Variants in RPH3A observed in about 807,000 individuals in gnomAD.
RPH3A encodes rabphilin-3A.
Under a neutral mutation model 102.2 loss-of-function variants are expected in RPH3A, and 48 were observed. The observed-to-expected ratio is 0.47, with a 90% CI of 0.37 to 0.60. The LOEUF (loss-of-function observed/expected upper bound fraction) is 0.60, where lower values mean the gene tolerates loss of function less well. Ranked by LOEUF, RPH3A falls within the 20% of genes least tolerant of loss-of-function variation. The pLI, the probability that RPH3A is intolerant of heterozygous loss-of-function variation, is 0.00. For synonymous variants in RPH3A, 310 were observed against 324.3 expected (o/e 0.96, Z 0.47); for missense variants, 781 against 910.1 (o/e 0.86, Z 1.83).
chr12:112,814,914 G>A (rs1360883838), intron 2 of RPH3A, among the ~76,000 whole-genome samples: 1 of 152,218 alleles, frequency 6.6e-6, no homozygotes, highest in Non-Finnish European at 1.5e-5. Flanking sequence ...CCACACTGCT[G>A]GGACTCCAAG....
chr12:112,660,624 A>G (rs1274231593), intron 1 of RPH3A, among the ~76,000 whole-genome samples: 1 of 152,190 alleles, frequency 6.6e-6, no homozygotes, highest in Non-Finnish European at 1.5e-5. Flanking sequence ...GTTTGAGGCT[A>G]TACTGAGCTA....
chr12:112,605,997 A>G (rs2039593769), intron 1 of RPH3A, among the ~76,000 whole-genome samples: 1 of 152,200 alleles, frequency 6.6e-6, no homozygotes, highest in Non-Finnish European at 1.5e-5. Flanking sequence ...TCTCACAAAA[A>G]TTCTGTTAAA....
At chr12:112,755,804 A>G (rs2040819478) in intron 1 of RPH3A, among the ~76,000 whole-genome samples, 1 of 152,216 alleles carries the variant, frequency 6.6e-6, no homozygotes, top group Non-Finnish European at 1.5e-5. Context: ...ATCTATGAGC[A>G]TGAGAATAAA....
At chr12:112,681,844 A>G (rs2040228222) in intron 1 of RPH3A, among the ~76,000 whole-genome samples, 2 of 152,192 alleles carry the variant, frequency 1.3e-5, no homozygotes, top group Non-Finnish European at 2.9e-5. Context: ...CTTCTCTCTC[A>G]ATTAGAACTT....
chr12:112,762,771 C>T (rs2040862579), intron 1 of RPH3A, among the ~76,000 whole-genome samples: 1 of 152,192 alleles, frequency 6.6e-6, no homozygotes, highest in African/African-American at 2.4e-5. Flanking sequence ...GATATACCTC[C>T]ATCCATTGTA....
At chr12:112,741,646 A>G (rs2040710290) in intron 1 of RPH3A, among the ~76,000 whole-genome samples, 1 of 152,180 alleles carries the variant, frequency 6.6e-6, no homozygotes. Context: ...TGTGTGAGAT[A>G]AAGTAGCAAA....
intron 1 of RPH3A, among the ~76,000 whole-genome samples, chr12:112,617,084 G>A (rs972963415): frequency 1.3e-5 from 2 of 152,330 alleles, no homozygotes; most frequent in South Asian, 4.1e-4. Flanking sequence ...GGCTGAAGTA[G>A]ATGAGCTTCC....
At chr12:112,621,566 G>T (rs1592911771) in intron 1 of RPH3A, among the ~76,000 whole-genome samples, 1 of 147,118 alleles carries the variant, frequency 6.8e-6, no homozygotes, top group Admixed American at 6.7e-5. Context: ...TACGCCCACG[G>T]AGTCTCTCTG....
intron 14 of RPH3A, among the ~76,000 whole-genome samples, chr12:112,880,662 T>G (rs1306628591): frequency 6.6e-6 from 1 of 152,168 alleles, no homozygotes; most frequent in African/African-American, 2.4e-5. Context: ...GGGAGTTAAG[T>G]TAACCCCCTG....
chr12:112,694,414 G>A (rs1262420776), intron 1 of RPH3A, among the ~76,000 whole-genome samples: 1 of 152,120 alleles, frequency 6.6e-6, no homozygotes, highest in Admixed American at 6.5e-5. Context: ...GGTCTCTGGG[G>A]CAAGTGACTT....
intron 1 of RPH3A, among the ~76,000 whole-genome samples, chr12:112,715,738 G>A (rs113275742): frequency 0.031 from 4,682 of 152,100 alleles, 253 homozygotes; most frequent in African/African-American, 0.1. Context: ...GTCCCAATCC[G>A]GACCCCAAGA....
chr12:112,619,357 C>G (rs1315143708), intron 1 of RPH3A, among the ~76,000 whole-genome samples: 1 of 151,474 alleles, frequency 6.6e-6, no homozygotes, highest in Non-Finnish European at 1.5e-5. Flanking sequence ...ACAACCTCAG[C>G]CCATTGCAAC....
At chr12:112,866,261 C>T (rs896317020) in intron 6 of RPH3A, among the ~76,000 whole-genome samples, 1 of 152,146 alleles carries the variant, frequency 6.6e-6, no homozygotes, top group Non-Finnish European at 1.5e-5. Context: ...AATTTTGTGA[C>T]CCATTAAGTT....
At position 112,898,220 on chromosome 12, in the gene RPH3A, A is replaced by G. The variant is rs918181689; in HGVS notation, c.*1440A>G. ...CTTTCACTTTCTTCCTATAAAAAAA[A>G]TTATTTTATAAAGGAGGAAAAGGCA... On this transcript the variant is annotated 3_prime_UTR_variant, in exon 22 of 22. Transcript: ENST00000389385. 6.6e-6 allele frequency: 1 copy of G among 152,212 alleles called. No homozygotes were observed. Among genetic ancestry groups the G allele is most frequent in the African/African-American group, 2.4e-5 (1 of 41,438 alleles). 9.4% of individuals were successfully genotyped at this position (152,212 alleles called of 1,614,324 possible). A position where few individuals can be genotyped will look rare whatever the true frequency, so the allele number is the denominator to read the frequency against.
chr12:112,880,202 G>A (rs1231446212), intron 14 of RPH3A, among the ~76,000 whole-genome samples: 1 of 152,062 alleles, frequency 6.6e-6, no homozygotes. Flanking sequence ...TTATGTATCA[G>A]CATTTATTGG....
chr12:112,875,433 A>G (rs998999854), intron 11 of RPH3A, among the ~76,000 whole-genome samples: 3 of 152,080 alleles, frequency 2.0e-5, no homozygotes, highest in Non-Finnish European at 4.4e-5. Context: ...TCCCACCTCA[A>G]GGACCAACAC....
chr12:112,849,897 C>T (rs1036734984), intron 5 of RPH3A, among the ~76,000 whole-genome samples: 7 of 152,202 alleles, frequency 4.6e-5, no homozygotes, highest in Non-Finnish European at 8.8e-5. Flanking sequence ...TGCAGCCAGG[C>T]GTGCCAAGCC....
intron 1 of RPH3A, among the ~76,000 whole-genome samples, chr12:112,782,462 C>A (rs2041016443): frequency 2.6e-5 from 4 of 152,136 alleles, no homozygotes; most frequent in Non-Finnish European, 4.4e-5. Context: ...GAGGAAGTGA[C>A]CTTTTGGTCT....
At chr12:112,782,874 T>C (rs2041018752) in intron 1 of RPH3A, among the ~76,000 whole-genome samples, 1 of 152,252 alleles carries the variant, frequency 6.6e-6, no homozygotes, top group Admixed American at 6.5e-5. Context: ...GTGATGATCA[T>C]CTCTGCACGT....
Sources: gnomAD v4.1 joint callset for allele counts (sites outside exome capture counted in the v4.1 genomes callset) on GRCh38, gnomAD v4.1.1 for gene constraint, MANE v1.5 for transcripts, NCBI Gene and HGNC (gene_info 2026-07-23, HGNC 2026-07-21) for gene names.